Variants in PCNX2 observed in about 807,000 individuals in gnomAD.
PCNX2 encodes the protein pecanex 2.
A neutral mutation model predicts 223.8 loss-of-function variants in PCNX2; 168 were observed. That is an observed-to-expected ratio of 0.75 (90% CI 0.66 to 0.85). PCNX2 has a LOEUF of 0.85. Ranked by LOEUF, PCNX2 falls within the 40% of genes least tolerant of loss-of-function variation. The pLI, the probability that PCNX2 is intolerant of heterozygous loss-of-function variation, is 0.00. For synonymous variants in PCNX2, 1,006 were observed against 1,052.6 expected (o/e 0.96, Z 0.86); for missense variants, 2,507 against 2,675.5 (o/e 0.94, Z 1.39).
At chr1:233,119,688 C>G (rs2102732734) in intron 21 of PCNX2, among the ~76,000 whole-genome samples, 1 of 151,496 alleles carries the variant, frequency 6.6e-6, no homozygotes, top group South Asian at 2.1e-4. Flanking sequence ...GGGTCTAGAA[C>G]CAGGCAAAGA....
At position 233,252,465 on chromosome 1, in the gene PCNX2, T is replaced by C; in HGVS notation, c.2017A>G (p.Arg673Gly). Reference sequence around the variant, plus strand: ...GAACTATCTTGTTGGGAAGTTACCCTGTAGATTATCTGTCTTTGTCTATTG... The same window carrying C: ...GAACTATCTTGTTGGGAAGTTACCCCGTAGATTATCTGTCTTTGTCTATTG... ...QGNRQRQIIY[R>G]VTSQQDSSVL... The change falls in exon 7 of 34, where the codon AGG becomes GGG. Residue 673 changes from arginine to glycine, a missense_variant. Arg to Gly is a moderately radical substitution (Grantham distance 125). Transcript: ENST00000258229. 3 of 1,613,190 alleles carry C rather than the reference T, an allele frequency of 1.9e-6. No individual in the cohort carries two copies. Among genetic ancestry groups the C allele is most frequent in the Non-Finnish European group, 2.5e-6 (3 of 1,179,274 alleles).
At chr1:233,211,076 T>G (rs1681786369) in intron 12 of PCNX2, among the ~76,000 whole-genome samples, 1 of 152,188 alleles carries the variant, frequency 6.6e-6, no homozygotes, top group South Asian at 2.1e-4. Context: ...GTCAGCTGCT[T>G]CGAATGTTCT....
the PCNX2 span, among the ~76,000 whole-genome samples, chr1:233,307,506 G>A: frequency 6.6e-6 from 1 of 152,176 alleles, no homozygotes; most frequent in African/African-American, 2.4e-5. Context: ...CCCTTGTACA[G>A]CCAGCAGAAC....
chr1:233,201,436 T>G (rs1410637368), intron 13 of PCNX2: 1 of 152,162 alleles, frequency 6.6e-6, no homozygotes, highest in Non-Finnish European at 1.5e-5. Flanking sequence ...TTTCTATCAA[T>G]AGAAAGGAGA....
At chr1:233,208,211 G>C (rs995711214) in intron 13 of PCNX2, among the ~76,000 whole-genome samples, 1 of 152,106 alleles carries the variant, frequency 6.6e-6, no homozygotes, top group African/African-American at 2.4e-5. Flanking sequence ...CACCGGCCTC[G>C]GCCTCCCGAA....
intron 28 of PCNX2, among the ~76,000 whole-genome samples, chr1:233,009,702 T>G (rs953862643): frequency 1.3e-5 from 2 of 152,182 alleles, no homozygotes; most frequent in African/African-American, 2.4e-5. Flanking sequence ...ATCCAAGATC[T>G]AGAGAGTCCA....
intron 28 of PCNX2, among the ~76,000 whole-genome samples, chr1:233,006,437 G>C (rs760690695): frequency 2.3e-4 from 35 of 152,122 alleles, no homozygotes; most frequent in Non-Finnish European, 4.4e-4. Flanking sequence ...GCTGTTCTCT[G>C]GCTGGAGGCT....
chr1:233,229,823 A>T (rs1003632780), intron 9 of PCNX2, among the ~76,000 whole-genome samples: 1 of 151,828 alleles, frequency 6.6e-6, no homozygotes, highest in Non-Finnish European at 1.5e-5. Flanking sequence ...CTCCTCAAAA[A>T]TTAATGAAAA....
intron 32 of PCNX2, among the ~76,000 whole-genome samples, chr1:232,996,031 G>A (rs1669864196): frequency 1.3e-5 from 2 of 151,870 alleles, no homozygotes; most frequent in Non-Finnish European, 2.9e-5. Flanking sequence ...CTAATTTTTT[G>A]TTGTATTTTT....
At chr1:233,057,548 A>G (rs1672239043) in intron 23 of PCNX2, 2 of 379,748 alleles carry the variant, frequency 5.3e-6, no homozygotes, top group African/African-American at 2.0e-5. Context: ...GTCTTAATCA[A>G]TTTGGAGCAC....
At chr1:233,326,965 C>G in the PCNX2 span, among the ~76,000 whole-genome samples, 4 of 152,082 alleles carry the variant, frequency 2.6e-5, no homozygotes, top group Non-Finnish European at 4.4e-5. Flanking sequence ...GGGACTATAC[C>G]GACCACGGGT....
intron 19 of PCNX2, among the ~76,000 whole-genome samples, chr1:233,145,371 T>C (rs950783761): frequency 1.5e-4 from 23 of 152,188 alleles, no homozygotes; most frequent in South Asian, 8.3e-4. Flanking sequence ...CTATCCAGCA[T>C]TGATTATTGT....
intron 9 of PCNX2, among the ~76,000 whole-genome samples, chr1:233,230,918 A>G (rs1222702144): frequency 6.6e-6 from 1 of 152,240 alleles, no homozygotes; most frequent in Non-Finnish European, 1.5e-5. Flanking sequence ...CTTCTGAGAT[A>G]CCTGAGAAAT....
At chr1:233,264,462 A>G (rs369885574) in intron 1 of PCNX2, among the ~76,000 whole-genome samples, 1 of 152,206 alleles carries the variant, frequency 6.6e-6, no homozygotes, top group South Asian at 2.1e-4. Context: ...CCGTGGTCCC[A>G]TGCAAGAGTC....
chr1:233,232,644 TC>T (rs1327190870), intron 9 of PCNX2, among the ~76,000 whole-genome samples: 6 of 152,250 alleles, frequency 3.9e-5, no homozygotes, highest in Admixed American at 3.9e-4. Context: ...CTCCTCTTTT[TC>T]ATCTCCATAA....
At chr1:233,114,403 G>A (rs1357526084) in intron 21 of PCNX2, among the ~76,000 whole-genome samples, 1 of 152,224 alleles carries the variant, frequency 6.6e-6, no homozygotes, top group East Asian at 1.9e-4. Context: ...AAGAACAGAA[G>A]AGGAGGTCAG....
At chr1:233,075,112 C>T (rs1226798081) in intron 23 of PCNX2, among the ~76,000 whole-genome samples, 1 of 152,102 alleles carries the variant, frequency 6.6e-6, no homozygotes, top group Non-Finnish European at 1.5e-5. Context: ...GATTTATGTT[C>T]ACATAAAAAC....
rs529944160 is a variant in PCNX2 at position 232,990,766 on chromosome 1, G to A, written c.5792-4226C>T. On this transcript the variant is annotated intron_variant, in intron 32 of 33. Coordinates refer to ENST00000258229, the MANE Select transcript of PCNX2 (RefSeq NM_014801.4). The surrounding 1 kb of genome is among the most constrained non-coding windows in gnomAD (Gnocchi z 4.3). ...CGTCAACCAGCTCCCACCCACTCCT[G>A]CTTGGCCGTGTGCTGGGTTCCCAGG... 6.6e-6 allele frequency among the ~76,000 whole-genome samples: 1 copy of A among 152,316 alleles called. No individual in the cohort carries two copies. Among genetic ancestry groups the A allele is most frequent in the South Asian group, 2.1e-4 (1 of 4,834 alleles).
intron 17 of PCNX2, among the ~76,000 whole-genome samples, chr1:233,168,627 G>A (rs1195487746): frequency 6.6e-6 from 1 of 151,992 alleles, no homozygotes; most frequent in African/African-American, 2.4e-5. Context: ...CTATTAGGTT[G>A]CCTTCCATTG....
Sources: gnomAD v4.1 joint callset for allele counts (sites outside exome capture counted in the v4.1 genomes callset) on GRCh38, gnomAD v4.1.1 for gene constraint, Gnocchi (gnomAD v3.1) non-coding constraint, MANE v1.5 for transcripts, NCBI Gene and HGNC (gene_info 2026-07-23, HGNC 2026-07-21) for gene names.